The following ANGPTL2 variants were observed in gnomAD, a reference collection of about 807,000 sequenced individuals.
ANGPTL2 encodes angiopoietin-related protein 2.
Under a neutral mutation model 52.8 loss-of-function variants are expected in ANGPTL2, and 25 were observed. The observed-to-expected ratio is 0.47, with a 90% CI of 0.35 to 0.66. The LOEUF is 0.66. Ranked by LOEUF, ANGPTL2 falls within the 30% of genes least tolerant of loss-of-function variation. ANGPTL2 has a pLI of 0.01. For synonymous variants in ANGPTL2, 276 were observed against 277.4 expected (o/e 1.00, Z 0.05); for missense variants, 546 against 656.9 (o/e 0.83, Z 1.84).
Position 127,088,825 on chromosome 9 carries a change from C to A in ANGPTL2, c.*114G>T. ...ACTTCGGAAAACAGAATCCAGCATC[C>A]CGGTCCTCCCAGCCTCAGGATGAAC... is the stretch of plus-strand genomic sequence containing the variant. On this transcript the variant is annotated 3_prime_UTR_variant, in exon 5 of 5. Coordinates refer to ENST00000373425, the MANE Select transcript of ANGPTL2 (RefSeq NM_012098.3). The A allele has an allele frequency of 1.6e-6, 2 of 1,243,480 alleles. No individual in the cohort carries two copies. The highest frequency in any genetic ancestry group is 1.4e-5 in the South Asian group (1 of 73,826). 77.0% of individuals were successfully genotyped at this position (1,243,480 alleles called of 1,614,324 possible).
chr9:127,106,275 G>A (rs2137022162), intron 2 of ANGPTL2, among the ~76,000 whole-genome samples: 1 of 152,228 alleles, frequency 6.6e-6, no homozygotes, highest in South Asian at 2.1e-4. Flanking sequence ...TACCCTCTCG[G>A]TATTCTATCA....
At chr9:127,107,717 A>C (rs2054354765) in intron 2 of ANGPTL2, among the ~76,000 whole-genome samples, 198 bp downstream of exon 2, 1 of 152,104 alleles carries the variant, frequency 6.6e-6, no homozygotes, top group Non-Finnish European at 1.5e-5. Flanking sequence ...TTGAGGATCC[A>C]TCTAAGGAAT....
At position 127,087,878 on chromosome 9, in the gene ANGPTL2, G is replaced by A. The variant is rs1186962759; in HGVS notation, c.*1061C>T. The A allele has an allele frequency of 6.6e-6, 1 of 152,578 alleles. No homozygotes were observed. The highest frequency in any genetic ancestry group is 1.5e-5 in the Non-Finnish European group (1 of 68,046). 9.5% of individuals were successfully genotyped at this position (152,578 alleles called of 1,614,324 possible). ...CTGAGATAATTCTCCTGGCCAGATA[G>A]GTTATTATTTGTGTGAAGACTCAAA... On this transcript the variant is annotated 3_prime_UTR_variant, in exon 5 of 5. Transcript: ENST00000373425.
At chr9:127,117,253 C>T (rs1013590947) in intron 1 of ANGPTL2, among the ~76,000 whole-genome samples, 1 of 152,232 alleles carries the variant, frequency 6.6e-6, no homozygotes, top group Non-Finnish European at 1.5e-5. Flanking sequence ...GCTTCCAACT[C>T]AACACCCAAG....
intron 1 of ANGPTL2, among the ~76,000 whole-genome samples, chr9:127,111,228 T>C (rs994471574): frequency 6.6e-6 from 1 of 152,204 alleles, no homozygotes; most frequent in African/African-American, 2.4e-5. Flanking sequence ...TTCCCTTACC[T>C]CTTTCAATCT....
intron 4 of ANGPTL2, 129 bp from the exon 5 acceptor site, chr9:127,089,267 C>A: frequency 1.1e-6 from 1 of 927,006 alleles, no homozygotes; most frequent in Non-Finnish European, 1.7e-6. Flanking sequence ...AAGGTGGACC[C>A]GTCTCCATGG....
chr9:127,119,438 C>G (rs1251343352), intron 1 of ANGPTL2, among the ~76,000 whole-genome samples: 2 of 152,186 alleles, frequency 1.3e-5, no homozygotes, highest in East Asian at 3.8e-4. Context: ...AAACAAGGCA[C>G]TGAAGTGAGA....
In ANGPTL2 at chr9:127,091,946, G is replaced by A. The variant is rs772419040; in HGVS notation, c.1012-6C>T. On this transcript the variant is annotated splice_region_variant and splice_polypyrimidine_tract_variant and intron_variant, in intron 3 of 4. Coordinates refer to ENST00000373425, the MANE Select transcript of ANGPTL2 (RefSeq NM_012098.3). The surrounding 1 kb of genome is among the most constrained non-coding windows in gnomAD (Gnocchi z 4.3). The stretch of plus-strand genomic sequence containing the variant: ...TCAATGTTCCCAAACCCTTGCTGGG[G>A]AAAACCCAGGAGAGTGTTAATGTGG... 2 of 1,613,342 alleles carry A rather than the reference G, an allele frequency of 1.2e-6. No homozygotes were observed. The highest frequency in any genetic ancestry group is 1.7e-6 in the Non-Finnish European group (2 of 1,179,538).
intron 4 of ANGPTL2, among the ~76,000 whole-genome samples, chr9:127,089,615 G>A (rs1200403267): frequency 6.6e-6 from 1 of 152,172 alleles, no homozygotes; most frequent in Non-Finnish European, 1.5e-5. Flanking sequence ...AGTCTTTAAA[G>A]AATGACAAAG....
At chr9:127,100,207 T>A (rs1417256596) in intron 2 of ANGPTL2, among the ~76,000 whole-genome samples, 2 of 152,224 alleles carry the variant, frequency 1.3e-5, no homozygotes, top group Admixed American at 6.5e-5. Context: ...CTTAGCCAAA[T>A]AATTTTAAAA....
In ANGPTL2 at chr9:127,108,127, T is replaced by G; in HGVS notation, c.605A>C (p.Glu202Ala). Residue 202 changes from glutamate (E) to alanine (A), a missense_variant, in exon 2 of 5, where the codon GAG (glutamate) becomes GCG (alanine). Around this residue, in one of 2 missense-constraint regions of ANGPTL2, gnomAD observed 285 missense variants for 295.8 expected, o/e 0.96. Coordinates refer to ENST00000373425, the MANE Select transcript of ANGPTL2 (RefSeq NM_012098.3). ...NQSEIIAQLE[E>A]HCQRVPSARP... ...GGCCGAGGGCACCCTCTGGCAGTGC[T>G]CCTCAAGCTGCGCGATGATCTCTGA... is the stretch of plus-strand genomic sequence containing the variant. 6.2e-7 allele frequency: 1 copy of G among 1,613,814 alleles called. No homozygotes were observed. The highest frequency in any genetic ancestry group is 1.7e-5 in the Admixed American group (1 of 60,014).
Position 127,088,978 on chromosome 9 carries a change from C to T in ANGPTL2, c.1443G>A (p.Val481=). The change falls in exon 5 of 5, where the codon GTG becomes GTA. Residue 481 remains valine, a synonymous_variant. Coordinates refer to ENST00000373425, the MANE Select transcript of ANGPTL2 (RefSeq NM_012098.3). ...FRGGSYSLKK[V]VMMIRPNPNT... ...TGGGGTTCGGTCGGATCATCATCACCACTTTCTTGAGTGAGTAAGAGCCTC... is the reference window on the plus strand; with the variant it reads ...TGGGGTTCGGTCGGATCATCATCACTACTTTCTTGAGTGAGTAAGAGCCTC... The T allele has an allele frequency of 3.1e-6, 5 of 1,614,184 alleles. No homozygotes were observed. The highest frequency in any genetic ancestry group is 3.4e-6 in the Non-Finnish European group (4 of 1,180,038).
In ANGPTL2 at chr9:127,119,914, T is replaced by G. The variant is rs372037175; in HGVS notation, c.-50+2401A>C. On this transcript the variant is annotated intron_variant, in intron 1 of 4. Coordinates refer to ENST00000373425, the MANE Select transcript of ANGPTL2 (RefSeq NM_012098.3). ...TTCCAGGCTGGAGCAGGGAAACCTG[T>G]GGCTTCAGTAGCCCCAGAGGCCTTG... Among the ~76,000 whole-genome samples, 377 of 152,338 alleles carry G rather than the reference T, an allele frequency of 2.5e-3. 2 individuals carry two copies. The highest frequency in any genetic ancestry group is 8.6e-3 in the African/African-American group (357 of 41,580).
intron 2 of ANGPTL2, among the ~76,000 whole-genome samples, chr9:127,099,783 A>C (rs2053537515): frequency 6.6e-6 from 1 of 152,270 alleles, no homozygotes; most frequent in Non-Finnish European, 1.5e-5. Flanking sequence ...AAGGCATTTC[A>C]GTTCCTGCAG....
At chr9:127,098,612 G>A (rs984841807) in intron 2 of ANGPTL2, among the ~76,000 whole-genome samples, 12 of 152,116 alleles carry the variant, frequency 7.9e-5, no homozygotes, top group African/African-American at 2.2e-4. Context: ...GTCTCAGCCC[G>A]GACCCCACTG....
chr9:127,107,834 T>C (rs1453461889), intron 2 of ANGPTL2, 81 bp downstream of exon 2: 1 of 1,411,420 alleles, frequency 7.1e-7, no homozygotes, highest in Non-Finnish European at 9.6e-7. Context: ...CCATGGCTTT[T>C]CCCCATTTGT....
chr9:127,090,592 C>A (rs1250921603), intron 4 of ANGPTL2, among the ~76,000 whole-genome samples: 1 of 152,216 alleles, frequency 6.6e-6, no homozygotes, highest in Non-Finnish European at 1.5e-5. Context: ...ATCCCCTCCA[C>A]CTTAGTATGT....
At chr9:127,109,507 A>G (rs1306369267) in intron 1 of ANGPTL2, among the ~76,000 whole-genome samples, 1 of 152,240 alleles carries the variant, frequency 6.6e-6, no homozygotes, top group African/African-American at 2.4e-5. Context: ...GGAACAAACA[A>G]CTGAGCTCTT....
At chr9:127,110,049 C>G (rs925542936) in intron 1 of ANGPTL2, among the ~76,000 whole-genome samples, 12 of 152,208 alleles carry the variant, frequency 7.9e-5, no homozygotes, top group Non-Finnish European at 1.6e-4. Context: ...AAAACCCTCT[C>G]TTGACCTCAC....
Sources: gnomAD v4.1 joint callset for allele counts (sites outside exome capture counted in the v4.1 genomes callset) on GRCh38, gnomAD v4.1.1 for gene constraint, gnomAD v4.1.1 regional missense constraint, Gnocchi (gnomAD v3.1) non-coding constraint, MANE v1.5 for transcripts, NCBI Gene and HGNC (gene_info 2026-07-23, HGNC 2026-07-21) for gene names.